Variants in SLC34A3 observed in about 807,000 individuals in gnomAD.
SLC34A3 encodes the protein solute carrier family 34 member 3, also known as sodium-dependent phosphate transport protein 2C.
In SLC34A3, 60 loss-of-function variants were observed where a neutral mutation model predicts 43.9. That is an observed-to-expected ratio of 1.37 (90% CI 1.11 to 1.70). SLC34A3 has a LOEUF of 1.70. SLC34A3 is among the 40% of genes most tolerant of loss of function. The pLI is 0.00. For synonymous variants in SLC34A3, 451 were observed against 386.2 expected, an observed-to-expected ratio of 1.17 and a Z score of -1.97; for missense variants, 969 against 823.8, an observed-to-expected ratio of 1.18 and a Z score of -2.16.
chr9:137,232,161 G>A lies in SLC34A3; in HGVS notation c.175G>A (p.Glu59Lys), dbSNP rs1188666081. Residue 59 changes from glutamate (E) to lysine (K), a missense_variant and splice_region_variant, in exon 3 of 13, where the codon GAG becomes AAG. Physicochemically the swap from Glu to Lys is moderately conservative, Grantham distance 56. Coordinates refer to ENST00000673835, the MANE Select transcript of SLC34A3 (RefSeq NM_001177316.2). Reference protein sequence around the residue: ...QLKDTSQPWKELRVAGRLRRV... With the variant: ...QLKDTSQPWKKLRVAGRLRRV... The stretch of plus-strand genomic sequence containing the variant: ...GAAGGACACAAGCCAGCCCTGGAAA[G>A]GTGGGTCTGGAGGTTCCGGGGGTGG... 1.2e-6 allele frequency: 2 copies of A among 1,612,954 alleles called. No homozygotes were observed. The highest frequency in any genetic ancestry group is 2.2e-5 in the South Asian group (2 of 91,088).
chr9:137,234,236 C>A lies in SLC34A3; in HGVS notation c.1053C>A (p.Arg351=), dbSNP rs368516022. 34 of 1,610,042 alleles carry A rather than the reference C, an allele frequency of 2.1e-5. 1 individual carries two copies. In the South Asian group the frequency reaches 3.4e-4, roughly 16 times the overall value. Residue 351 remains arginine, a synonymous_variant, in exon 10 of 13, where the codon CGC becomes CGA. Transcript: ENST00000673835. The surrounding 1 kb of genome is among the most constrained non-coding windows in gnomAD (Gnocchi z 6.9). Reference sequence around the variant, plus strand: ...TCAAGCTGCTCAACTCTGTGCTGCGCGGCCGCGTGGCCCAGGTCGTGAGGA... The same window carrying A: ...TCAAGCTGCTCAACTCTGTGCTGCGAGGCCGCGTGGCCCAGGTCGTGAGGA... ...LIVKLLNSVL[R]GRVAQVVRTV...
intron 12 of SLC34A3, among the ~76,000 whole-genome samples, chr9:137,235,228 G>A (rs1342957897): frequency 6.6e-6 from 1 of 151,972 alleles, no homozygotes; most frequent in Non-Finnish European, 1.5e-5. Flanking sequence ...CCCAGTCTGA[G>A]CCCCCAGCTC....
rs752134669 is a variant in SLC34A3 at position 137,232,988 on chromosome 9, GC to G, written c.449-9del. 189 of 1,610,082 alleles carry G rather than the reference GC, an allele frequency of 1.2e-4. No homozygotes were observed. The highest frequency in any genetic ancestry group is 3.6e-4 in the South Asian group (33 of 90,754). On this transcript the variant is annotated splice_polypyrimidine_tract_variant and intron_variant, in intron 5 of 12. Coordinates refer to ENST00000673835, the MANE Select transcript of SLC34A3 (RefSeq NM_001177316.2). ...GCAGGGTGGGCCGCAGGCTGACTCA[GC>G]CCCCCCACCAGCAGTGCTGACTGTC...
chr9:137,233,779 T>TTGGCCCCCCCCCCCCCCCC, intron 8 of SLC34A3, 57 bp downstream of exon 8: 1 of 1,445,792 alleles, frequency 6.9e-7, no homozygotes, highest in Non-Finnish European at 9.6e-7. Flanking sequence ...TGCTGAGTCA[T>TTGGCCCCCCCCCCCCCCCC]CCCGCCCCAC....
In SLC34A3 at chr9:137,233,905, G is replaced by T; in HGVS notation, c.889G>T (p.Glu297Ter). Residue 297 changes from glutamate to a stop codon, truncating the protein, a stop_gained, in exon 9 of 13, where the codon GAG (glutamate) becomes TAG (stop). Transcript: ENST00000673835. LOFTEE classifies it high-confidence loss of function. ...SSCGAFGPCT[E>*]KNSTAPADRL... ...CTGTGGCGCCTTCGGCCCGTGCACA[G>T]AGAAGAACAGCACAGCCCCGGCGGA... 6.2e-7 allele frequency: 1 copy of T among 1,606,650 alleles called. No individual in the cohort carries two copies. Among genetic ancestry groups the T allele is most frequent in the East Asian group, 2.2e-5 (1 of 44,682 alleles).
intron 4 of SLC34A3, 40 bp downstream of exon 4, chr9:137,232,743 C>G: frequency 6.2e-7 from 1 of 1,612,944 alleles, no homozygotes; most frequent in South Asian, 1.1e-5. Context: ...GGCGGGCAAC[C>G]AGCCCTCCGC....
chr9:137,234,726 C>T lies in SLC34A3; in HGVS notation c.1330C>T (p.Leu444=). ...CCCCGCAGACAGGATGCTCAGCGCCCTGCAGGTACTGTCCACCCTGCCCCG... is the reference window on the plus strand; with the variant it reads ...CCCCGCAGACAGGATGCTCAGCGCCTTGCAGGTACTGTCCACCCTGCCCCG... The part of the protein sequence containing the change: ...ASPADRMLSA[L]QVALIHFFFN... The change falls in exon 12 of 13, where the codon CTG becomes TTG. Residue 444 remains leucine (L), a synonymous_variant. Coordinates refer to ENST00000673835, the MANE Select transcript of SLC34A3 (RefSeq NM_001177316.2). The surrounding 1 kb of genome is among the most constrained non-coding windows in gnomAD (Gnocchi z 6.9). The T allele has an allele frequency of 6.2e-7, 1 of 1,609,266 alleles. No individual in the cohort carries two copies. The highest frequency in any genetic ancestry group is 1.3e-5 in the African/African-American group (1 of 74,996).
rs771070631 is a variant in SLC34A3 at position 137,234,247 on chromosome 9, C to T, written c.1064C>T (p.Ala355Val). Residue 355 changes from alanine to valine, a missense_variant, in exon 10 of 13, where the codon GCC becomes GTC. Transcript: ENST00000673835. This position sits in a 1 kb window ranked among gnomAD's most constrained non-coding sequence, Gnocchi z 6.9. ...AACTCTGTGCTGCGCGGCCGCGTGG[C>T]CCAGGTCGTGAGGACAGTCATCAAT... is the stretch of plus-strand genomic sequence containing the variant. ...LLNSVLRGRV[A>V]QVVRTVINAD... The T allele has an allele frequency of 1.2e-6, 2 of 1,610,704 alleles. No homozygotes were observed. The highest frequency in any genetic ancestry group is 1.7e-6 in the Non-Finnish European group (2 of 1,179,402).
At chr9:137,232,050 G>A (rs769001287) in intron 2 of SLC34A3, 22 bp from the exon 3 acceptor site, 49 of 1,608,518 alleles carry the variant, frequency 3.0e-5, no homozygotes, top group South Asian at 1.1e-4. Context: ...GGAAACAGCC[G>A]TACTCAATTC....
At chr9:137,231,264 G>A (rs1836195919) in intron 1 of SLC34A3, among the ~76,000 whole-genome samples, 2 of 152,252 alleles carry the variant, frequency 1.3e-5, no homozygotes, top group African/African-American at 4.8e-5. Flanking sequence ...TTATCAAGCC[G>A]AGACGTCACT....
Position 137,231,780 on chromosome 9 carries a change from G to A in SLC34A3, c.78G>A (p.Arg26=), listed in dbSNP as rs771909414. ...DAVDLVEKTL[R]NEGTSSSAPV... ...TTGACCTAGTGGAAAAGACTCTGAG[G>A]AATGAAGGTACCAGTGGCCCCTGTG... Residue 26 remains arginine (R), a synonymous_variant, in exon 2 of 13, where the codon AGG becomes AGA. Coordinates refer to ENST00000673835, the MANE Select transcript of SLC34A3 (RefSeq NM_001177316.2). 5.0e-6 allele frequency: 8 copies of A among 1,613,152 alleles called. No homozygotes were observed. Among genetic ancestry groups the A allele is most frequent in the South Asian group, 1.1e-5 (1 of 91,086 alleles).
At chr9:137,232,552 G>A (rs1836283401) in intron 3 of SLC34A3, 23 bp from the exon 4 acceptor site, 3 of 1,610,870 alleles carry the variant, frequency 1.9e-6, no homozygotes, top group African/African-American at 1.3e-5. Flanking sequence ...GCCAGCCAGG[G>A]ACAGCCTGCC....
intron 3 of SLC34A3, among the ~76,000 whole-genome samples, 154 bp downstream of exon 3, chr9:137,232,315 G>T (rs1268122501): frequency 6.6e-6 from 1 of 152,216 alleles, no homozygotes; most frequent in Non-Finnish European, 1.5e-5. Context: ...CCCTCAACCG[G>T]GTGTCTGTGC....
chr9:137,231,994 C>T (rs905189545), intron 2 of SLC34A3, 78 bp from the exon 3 acceptor site: 5 of 1,412,378 alleles, frequency 3.5e-6, no homozygotes, highest in Middle Eastern at 1.7e-4. Flanking sequence ...CTCAGCCCGT[C>T]CTCCGGCCTG....
At chr9:137,229,991 G>A (rs1199870001), upstream of SLC34A3, among the ~76,000 whole-genome samples, 1 of 152,216 alleles carries the variant, frequency 6.6e-6, no homozygotes, top group African/African-American at 2.4e-5. Context: ...GGAGGGAGAC[G>A]GAAGAGAATT....
At position 137,232,801 on chromosome 9, in the gene SLC34A3, A is replaced by C; in HGVS notation, c.322A>C (p.Ile108Leu). Residue 108 changes from isoleucine (I) to leucine (L), a missense_variant, in exon 5 of 13, where the codon ATC becomes CTC. Transcript: ENST00000673835. ...QLLGSKVAGDIFKDNVVLSNP... is the reference protein window; with the variant it reads ...QLLGSKVAGDLFKDNVVLSNP... ...CGGTGTAGGCAAAGTGGCCGGAGAC[A>C]TCTTCAAGGACAACGTGGTGCTGTC... 6.2e-7 allele frequency: 1 copy of C among 1,613,106 alleles called. No individual in the cohort carries two copies. The highest frequency in any genetic ancestry group is 8.5e-7 in the Non-Finnish European group (1 of 1,180,010).
chr9:137,229,788 G>C (rs78459648), upstream of SLC34A3: 1,157 of 152,576 alleles, frequency 7.6e-3, 9 homozygotes, highest in Non-Finnish European at 0.013. Context: ...CTCATCCTTC[G>C]CTGAACCTTT....
In SLC34A3 at chr9:137,233,092, A is replaced by C. The variant is rs770094612; in HGVS notation, c.537A>C (p.Ser179=). The C allele has an allele frequency of 2.7e-6, 4 of 1,507,480 alleles. No individual in the cohort carries two copies. The highest frequency in any genetic ancestry group is 2.4e-4 in the Middle Eastern group (1 of 4,236). 93.4% of individuals were successfully genotyped at this position (1,507,480 alleles called of 1,614,324 possible). ...GCACCCTGGTCTCAATGGCGCAGTC[A>C]GGGGACCGGGATGAATTTCAGAGGT... ...ITSTLVSMAQ[S]GDRDEFQRAF... The change falls in exon 6 of 13, where the codon TCA becomes TCC. Residue 179 remains serine (S), a synonymous_variant. Transcript: ENST00000673835.
In SLC34A3 at chr9:137,232,961, G is replaced by T. The variant is rs553901281; in HGVS notation, c.448+34G>T. The T allele has an allele frequency of 1.4e-5, 23 of 1,606,522 alleles. No homozygotes were observed. The South Asian group carries it at 2.3e-4, about 16-fold the overall frequency. ...ACACTCCCTCCCCGGGTGGTGGGGG[G>T]GGCAGGGTGGGCCGCAGGCTGACTC... On this transcript the variant is annotated intron_variant, in intron 5 of 12. Transcript: ENST00000673835.
Sources: gnomAD v4.1 joint callset for allele counts (sites outside exome capture counted in the v4.1 genomes callset) on GRCh38, gnomAD v4.1.1 for gene constraint, Gnocchi (gnomAD v3.1) non-coding constraint, MANE v1.5 for transcripts, NCBI Gene and HGNC (gene_info 2026-07-23, HGNC 2026-07-21) for gene names.